The following CFAP100 variants were observed in gnomAD, a reference collection of about 807,000 sequenced individuals.
CFAP100 encodes cilia- and flagella-associated protein 100.
A neutral mutation model predicts 81.5 loss-of-function variants in CFAP100; 70 were observed. The ratio of observed to expected loss-of-function variants is 0.86; its 90% CI spans 0.71 to 1.05. CFAP100 has a LOEUF of 1.05. Ranked by LOEUF, CFAP100 falls within the 50% of genes least tolerant of loss-of-function variation. The probability of loss-of-function intolerance (pLI) is 0.00; values close to 1 mark genes in which losing one functional copy is unlikely to be tolerated. For synonymous variants in CFAP100, 341 were observed against 314.8 expected (o/e 1.08, Z -0.88); for missense variants, 811 against 776.5 (o/e 1.04, Z -0.53).
intron 4 of CFAP100, among the ~76,000 whole-genome samples, chr3:126,415,112 C>T (rs750814822): frequency 5.3e-5 from 8 of 152,108 alleles, no homozygotes; most frequent in South Asian, 4.1e-4. Context: ...ATGAGGCGTT[C>T]GGTTTTCCTC....
At chr3:126,429,909 T>C (rs11707712) in intron 13 of CFAP100, among the ~76,000 whole-genome samples, 34,714 of 152,126 alleles carry the variant, frequency 0.23, 4,189 homozygotes, top group East Asian at 0.36. Context: ...CTCCTCTTCA[T>C]TTTTAAAGGA....
At chr3:126,409,001 C>T (rs1320076763) in intron 3 of CFAP100, among the ~76,000 whole-genome samples, 1 of 152,206 alleles carries the variant, frequency 6.6e-6, no homozygotes, top group Non-Finnish European at 1.5e-5. Context: ...ATTGCTTTGG[C>T]TGGCCTTGAA....
At chr3:126,397,514 T>C (rs977981139) in intron 2 of CFAP100, among the ~76,000 whole-genome samples, 1 of 152,214 alleles carries the variant, frequency 6.6e-6, no homozygotes, top group African/African-American at 2.4e-5. Context: ...ATGTAAACTA[T>C]ATTGATTTGT....
chr3:126,429,301 T>C (rs1289008595), intron 13 of CFAP100, among the ~76,000 whole-genome samples: 1 of 152,144 alleles, frequency 6.6e-6, no homozygotes, highest in Non-Finnish European at 1.5e-5. Context: ...GTAGGTTGTA[T>C]GTTTCTAGGA....
intron 4 of CFAP100, among the ~76,000 whole-genome samples, chr3:126,415,288 T>G: frequency 6.8e-6 from 1 of 146,272 alleles, no homozygotes; most frequent in Non-Finnish European, 1.5e-5. Context: ...CACCAAACCA[T>G]ACCCTCCCCC....
Position 126,419,136 on chromosome 3 carries a change from C to A in CFAP100, c.711C>A (p.Thr237=). 1 of 1,584,228 alleles carries A rather than the reference C, an allele frequency of 6.3e-7. No individual in the cohort carries two copies. Residue 237 remains threonine, a synonymous_variant, in exon 8 of 17, where the codon ACC becomes ACA. Transcript: ENST00000352312. ...TCCTTGAGATCCGGGACCTCACCAC[C>A]CAGATTGTTAATATCAAAAGGTGAG... is the stretch of plus-strand genomic sequence containing the variant. ...EKILEIRDLT[T]QIVNIKSEIS... is the part of the protein sequence containing the mutation.
chr3:126,417,131 T>C (rs1163717728), intron 5 of CFAP100, among the ~76,000 whole-genome samples: 1 of 152,216 alleles, frequency 6.6e-6, no homozygotes, highest in Admixed American at 6.5e-5. Flanking sequence ...GAGCTGGACC[T>C]AGGTTTCCTG....
chr3:126,416,331 A>C lies in CFAP100; in HGVS notation c.241A>C (p.Lys81Gln), dbSNP rs1349633857. Residue 81 changes from lysine to glutamine, a missense_variant, in exon 5 of 17, where the codon AAG (lysine) becomes CAG (glutamine). Transcript: ENST00000352312. ...NKALSERQQQ[K>Q]TMRVHQKMTY... is the part of the protein sequence containing the mutation. Reference sequence around the variant, plus strand: ...ACGCCCCCAGGAACGGCAGCAGCAGAAGACGATGCGGGTGCACCAGAAGAT... The same window carrying C: ...ACGCCCCCAGGAACGGCAGCAGCAGCAGACGATGCGGGTGCACCAGAAGAT... 7.5e-6 allele frequency: 12 copies of C among 1,593,616 alleles called. No homozygotes were observed. The highest frequency in any genetic ancestry group is 2.3e-5 in the East Asian group (1 of 44,186).
intron 2 of CFAP100, among the ~76,000 whole-genome samples, chr3:126,398,915 A>C (rs956982412): frequency 2.6e-5 from 4 of 152,106 alleles, no homozygotes; most frequent in African/African-American, 9.7e-5. Context: ...TGCAGCAAAC[A>C]GCTCTCAACT....
intron 2 of CFAP100, among the ~76,000 whole-genome samples, chr3:126,404,370 A>G (rs2083030433): frequency 6.6e-6 from 1 of 152,244 alleles, no homozygotes; most frequent in Admixed American, 6.5e-5. Context: ...TCCATGTTCC[A>G]AAGTGTAGAA....
rs762742448 is a variant in CFAP100, at chr3:126,416,418, G to A, written c.328G>A (p.Asp110Asn). 2.5e-6 allele frequency: 4 copies of A among 1,611,954 alleles called. No individual in the cohort carries two copies. The highest frequency in any genetic ancestry group is 3.4e-6 in the Non-Finnish European group (4 of 1,179,568). Residue 110 changes from aspartate to asparagine, a missense_variant, in exon 5 of 17, where the codon GAC becomes AAC. Asp to Asn is a conservative substitution (Grantham distance 23). Coordinates refer to ENST00000352312, the MANE Select transcript of CFAP100 (RefSeq NM_182628.3). ...CCTGCGGCGGCAGCTGCAGCTGGAG[G>A]ACAAGCAGGAGGACCTGGAGGCGCG... is the stretch of plus-strand genomic sequence containing the variant. ...TSLRRQLQLE[D>N]KQEDLEARAE...
intron 16 of CFAP100, among the ~76,000 whole-genome samples, 159 bp from the exon 17 acceptor site, chr3:126,436,132 A>G (rs1357144606): frequency 6.6e-6 from 1 of 152,168 alleles, no homozygotes; most frequent in Non-Finnish European, 1.5e-5. Flanking sequence ...TCACACCCCC[A>G]GTTATTTCAG....
At chr3:126,421,954 T>G (rs1377881931) in intron 11 of CFAP100, among the ~76,000 whole-genome samples, 1 of 152,206 alleles carries the variant, frequency 6.6e-6, no homozygotes, top group East Asian at 1.9e-4. Flanking sequence ...CGCCTAGGGC[T>G]CCCTCAGCCA....
In CFAP100 at chr3:126,434,249, C is replaced by A; in HGVS notation, c.1496C>A (p.Ala499Asp). Residue 499 changes from alanine to aspartate, a missense_variant, in exon 15 of 17, where the codon GCC becomes GAC. Coordinates refer to ENST00000352312, the MANE Select transcript of CFAP100 (RefSeq NM_182628.3). The stretch of plus-strand genomic sequence containing the variant: ...CACTGCACCGGCACCCAGCAGGAGG[C>A]CAACCTGGGCACCGTGCAGATGCTG... Reference protein sequence around the residue: ...YRHCTGTQQEANLGTVQMLTI... With the variant: ...YRHCTGTQQEDNLGTVQMLTI... The A allele has an allele frequency of 6.2e-7, 1 of 1,613,994 alleles. No individual in the cohort carries two copies. Among genetic ancestry groups the A allele is most frequent in the Non-Finnish European group, 8.5e-7 (1 of 1,180,026 alleles).
intron 13 of CFAP100, among the ~76,000 whole-genome samples, chr3:126,423,870 A>G (rs776606816): frequency 5.9e-5 from 9 of 152,234 alleles, no homozygotes; most frequent in Non-Finnish European, 1.3e-4. Context: ...CCCACCCTGA[A>G]GCAGCCCATG....
chr3:126,430,161 A>T (rs1442417689), intron 13 of CFAP100, among the ~76,000 whole-genome samples: 2 of 152,212 alleles, frequency 1.3e-5, no homozygotes, highest in Admixed American at 1.3e-4. Flanking sequence ...TTATTTGGGA[A>T]TCTTTAGACT....
chr3:126,416,165 T>C, intron 4 of CFAP100, 151 bp from the exon 5 acceptor site: 1 of 625,644 alleles, frequency 1.6e-6, no homozygotes, highest in Non-Finnish European at 2.6e-6. Context: ...ACAGCTGCCC[T>C]GCCTGCTTGG....
chr3:126,429,413 ATCT>A (rs748431509), intron 13 of CFAP100, among the ~76,000 whole-genome samples: 50 of 151,862 alleles, frequency 3.3e-4, no homozygotes, highest in African/African-American at 3.9e-4. Flanking sequence ...TTTTATGTTA[ATCT>A]TCTTTTCTCT....
intron 15 of CFAP100, 45 bp from the exon 16 acceptor site, chr3:126,435,514 C>G: frequency 6.5e-7 from 1 of 1,547,704 alleles, no homozygotes; most frequent in Non-Finnish European, 8.9e-7. Context: ...TTACACAACA[C>G]CTTCCAGGTC....
Sources: allele counts gnomAD v4.1 joint callset (sites outside exome capture counted in the v4.1 genomes callset), GRCh38; gene constraint gnomAD v4.1.1; transcripts MANE v1.5; gene names NCBI Gene and HGNC (gene_info 2026-07-23, HGNC 2026-07-21).